SEMA4D: variants seen among roughly 807,000 people sequenced by gnomAD.
SEMA4D encodes the protein semaphorin 4D, also known as semaphorin-4D.
In SEMA4D, 22 loss-of-function variants were observed where a neutral mutation model predicts 74.8. The observed-to-expected ratio is 0.29, with a 90% CI of 0.21 to 0.42. The LOEUF (loss-of-function observed/expected upper bound fraction) is 0.42, where lower values mean the gene tolerates loss of function less well. Among genes scored for constraint, SEMA4D ranks in the 10% least tolerant of loss-of-function variants. The probability of loss-of-function intolerance (pLI) is 1.00; values close to 1 mark genes in which losing one functional copy is unlikely to be tolerated. For missense variants in SEMA4D, 937 were observed against 1,118.4 expected, an observed-to-expected ratio of 0.84 and a Z score of 2.31; for synonymous variants, 445 against 463.7, an observed-to-expected ratio of 0.96 and a Z score of 0.52.
exon 17 of SEMA4D, chr9:89,363,949 A>C (rs1833160113): frequency 6.2e-7 from 1 of 1,613,912 alleles, no homozygotes; most frequent in Admixed American, 1.7e-5. Context: ...TGTCTGCAGG[A>C]CCTGGGGACA....
intron 1 of SEMA4D, among the ~76,000 whole-genome samples, chr9:89,491,432 T>C (rs1030785130): frequency 6.6e-6 from 1 of 152,202 alleles, no homozygotes; most frequent in East Asian, 1.9e-4. Flanking sequence ...TAGCCGGGCA[T>C]GGTGGCGTGT....
At chr9:89,475,433 G>A (rs908103047) in intron 1 of SEMA4D, among the ~76,000 whole-genome samples, 61 of 152,308 alleles carry the variant, frequency 4.0e-4, no homozygotes, top group African/African-American at 1.4e-3. Context: ...GCCTTGGCAT[G>A]GGCTCAGCTC....
chr9:89,377,576 C>T lies in SEMA4D; in HGVS notation c.*1128G>A, dbSNP rs1355967251. 2 of 152,264 alleles carry T rather than the reference C, an allele frequency of 1.3e-5. No individual in the cohort carries two copies. The highest frequency in any genetic ancestry group is 4.8e-5 in the African/African-American group (2 of 41,426). The allele number at this position is 152,264 out of a possible 1,614,324, so 9.4% of individuals were successfully genotyped here. On this transcript the variant is annotated 3_prime_UTR_variant, in exon 16 of 16. Coordinates refer to ENST00000422704, the MANE Select transcript of SEMA4D (RefSeq NM_001371194.2). ...AGGGTGCTGTGGTCACAGCTCGCGG[C>T]CCCGGCCACCGAGGCCCAGTTCCCT... is the stretch of plus-strand genomic sequence containing the variant.
At position 89,378,048 on chromosome 9, in the gene SEMA4D, T is replaced by C. The variant is rs1455816305; in HGVS notation, c.*656A>G. 14 of 151,872 alleles carry C rather than the reference T, an allele frequency of 9.2e-5. No individual in the cohort carries two copies. The highest frequency in any genetic ancestry group is 9.2e-4 in the Admixed American group (14 of 15,226). 9.4% of individuals were successfully genotyped at this position (151,872 alleles called of 1,614,324 possible). A position where few individuals can be genotyped will look rare whatever the true frequency, so the allele number is the denominator to read the frequency against. ...TCTACATTTCTAAAAGCAGAAAGAA[T>C]GCATTTAGCAAAAGGAAGTTTATCC... On this transcript the variant is annotated 3_prime_UTR_variant, in exon 16 of 16. Transcript: ENST00000422704.
chr9:89,459,541 A>C (rs1856761987), intron 1 of SEMA4D, among the ~76,000 whole-genome samples: 1 of 151,924 alleles, frequency 6.6e-6, no homozygotes, highest in African/African-American at 2.4e-5. Context: ...GTTGGGGGGG[A>C]GTCTTATTAA....
intron 8 of SEMA4D, 135 bp downstream of exon 8, chr9:89,392,288 G>C: frequency 1.6e-6 from 1 of 623,802 alleles, no homozygotes; most frequent in South Asian, 1.9e-5. Context: ...GACAGTTTGG[G>C]AAGTATCCCC....
chr9:89,416,261 C>T (rs924584641), intron 2 of SEMA4D, among the ~76,000 whole-genome samples: 1 of 152,184 alleles, frequency 6.6e-6, no homozygotes, highest in African/African-American at 2.4e-5. Flanking sequence ...TATGTGTGCA[C>T]AGCTACAGGC....
intron 6 of SEMA4D, among the ~76,000 whole-genome samples, chr9:89,394,010 A>G (rs1474799257): frequency 1.3e-5 from 2 of 152,268 alleles, no homozygotes; most frequent in African/African-American, 4.8e-5. Flanking sequence ...TGTAATCGGA[A>G]GCCCATGAGC....
chr9:89,473,597 C>G (rs1860998497), intron 1 of SEMA4D, among the ~76,000 whole-genome samples: 1 of 152,166 alleles, frequency 6.6e-6, no homozygotes, highest in South Asian at 2.1e-4. Flanking sequence ...TGCCTCATGC[C>G]TGTAATCCCA....
In SEMA4D at chr9:89,386,330, G is replaced by A. The variant is rs753506837; in HGVS notation, c.1446+37C>T. On this transcript the variant is annotated intron_variant, in intron 13 of 15. Transcript: ENST00000422704. Reference sequence around the variant, plus strand: ...TCACCTAGAATCAAAGCCACCGAGCGGAGAAGCCCCCGGTCCAGCTGCCTG... The same window carrying A: ...TCACCTAGAATCAAAGCCACCGAGCAGAGAAGCCCCCGGTCCAGCTGCCTG... The A allele has an allele frequency of 1.2e-5, 18 of 1,494,082 alleles. No individual in the cohort carries two copies. In the African/African-American group the frequency reaches 1.5e-4, roughly 13 times the overall value. 92.6% of individuals were successfully genotyped at this position (1,494,082 alleles called of 1,614,324 possible).
At chr9:89,451,049 T>G (rs1478657770) in intron 2 of SEMA4D, among the ~76,000 whole-genome samples, 3 of 152,190 alleles carry the variant, frequency 2.0e-5, no homozygotes, top group African/African-American at 7.2e-5. Context: ...TAGCCTTTTC[T>G]TCTACTCTCT....
chr9:89,377,110 G>T, downstream of SEMA4D: 7 of 1,487,078 alleles, frequency 4.7e-6, no homozygotes, highest in Non-Finnish European at 6.3e-6. Flanking sequence ...CCAGGAGCAC[G>T]TCACAGGCCA....
intron 4 of SEMA4D, among the ~76,000 whole-genome samples, chr9:89,401,920 C>T (rs1367425580): frequency 6.6e-6 from 1 of 150,766 alleles, no homozygotes; most frequent in Non-Finnish European, 1.5e-5. Context: ...CTAGACTTCG[C>T]TGGTCAAAGG....
intron 2 of SEMA4D, among the ~76,000 whole-genome samples, chr9:89,423,854 CT>C: frequency 6.8e-6 from 1 of 148,062 alleles, no homozygotes; most frequent in South Asian, 2.2e-4. Context: ...AGCACCTCCA[CT>C]CCCTCAGCAC....
intron 2 of SEMA4D, among the ~76,000 whole-genome samples, chr9:89,453,205 G>T (rs1855043688): frequency 6.6e-6 from 1 of 152,184 alleles, no homozygotes; most frequent in African/African-American, 2.4e-5. Flanking sequence ...TAGGGAGGCT[G>T]GGCAGCACCC....
At chr9:89,479,053 G>A (rs574917770) in intron 1 of SEMA4D, among the ~76,000 whole-genome samples, 209 of 152,318 alleles carry the variant, frequency 1.4e-3, no homozygotes, top group African/African-American at 4.7e-3. Context: ...CCTGAGTGGA[G>A]GGGACTGAAT....
intron 1 of SEMA4D, among the ~76,000 whole-genome samples, chr9:89,467,925 C>A (rs573975913): frequency 3.3e-5 from 5 of 152,218 alleles, no homozygotes; most frequent in South Asian, 2.1e-4. Flanking sequence ...TGGAGAGCAG[C>A]CCTCCCAGCC....
intron 2 of SEMA4D, among the ~76,000 whole-genome samples, chr9:89,414,038 C>T (rs1845141182): frequency 6.6e-6 from 1 of 152,206 alleles, no homozygotes; most frequent in Admixed American, 6.5e-5. Flanking sequence ...AAAATGCCAT[C>T]TGGGGACTGT....
intron 2 of SEMA4D, among the ~76,000 whole-genome samples, chr9:89,446,569 G>T (rs762744400): frequency 1.3e-5 from 2 of 152,160 alleles, no homozygotes; most frequent in African/African-American, 4.8e-5. Context: ...GGCCTCTCTC[G>T]GGCCACCAAG....
Sources: allele counts gnomAD v4.1 joint callset (sites outside exome capture counted in the v4.1 genomes callset), GRCh38; gene constraint gnomAD v4.1.1; transcripts MANE v1.5; gene names NCBI Gene and HGNC (gene_info 2026-07-23, HGNC 2026-07-21).